The following PRKCB variants were observed in gnomAD, a reference collection of about 807,000 sequenced individuals.
PRKCB encodes the protein protein kinase C beta type.
In PRKCB, 13 loss-of-function variants were observed where a neutral mutation model predicts 81.5. That is an observed-to-expected ratio of 0.16 (90% confidence interval 0.10 to 0.25). The LOEUF is 0.25. Among genes scored for constraint, PRKCB ranks in the 10% least tolerant of loss-of-function variants. PRKCB has a pLI of 1.00. For missense variants in PRKCB, 509 were observed against 875.7 expected (o/e 0.58, Z 5.29); for synonymous variants, 335 against 321.4 (o/e 1.04, Z -0.45).
At chr16:23,892,346 T>C (rs1963308474) in intron 2 of PRKCB, among the ~76,000 whole-genome samples, 1 of 152,172 alleles carries the variant, frequency 6.6e-6, no homozygotes, top group Non-Finnish European at 1.5e-5. Context: ...AAAATCTCCA[T>C]TGCTTCAGGA....
intron 5 of PRKCB, among the ~76,000 whole-genome samples, chr16:24,073,055 T>A (rs1287916712): frequency 1.3e-5 from 2 of 152,182 alleles, no homozygotes; most frequent in South Asian, 4.1e-4. Flanking sequence ...CCACCAGATG[T>A]CCTCTGCCTC....
chr16:23,998,164 G>C (rs1162810815), intron 3 of PRKCB, among the ~76,000 whole-genome samples: 1 of 152,162 alleles, frequency 6.6e-6, no homozygotes, highest in African/African-American at 2.4e-5. Flanking sequence ...CCGCCTTTGG[G>C]TGTTGGTGCT....
chr16:24,207,020 T>C (rs1294151005), intron 16 of PRKCB, among the ~76,000 whole-genome samples: 1 of 152,230 alleles, frequency 6.6e-6, no homozygotes, highest in Non-Finnish European at 1.5e-5. Flanking sequence ...AGTCTAAACC[T>C]CCTGGGCTCA....
chr16:24,161,298 T>G (rs1362018873), intron 10 of PRKCB, among the ~76,000 whole-genome samples: 1 of 152,208 alleles, frequency 6.6e-6, no homozygotes, highest in Non-Finnish European at 1.5e-5. Context: ...TTCAAACATA[T>G]GCACAGCACG....
chr16:24,179,362 C>G (rs1265260550), intron 12 of PRKCB, among the ~76,000 whole-genome samples: 2 of 152,176 alleles, frequency 1.3e-5, no homozygotes, highest in Admixed American at 1.3e-4. Flanking sequence ...TCACAAAACA[C>G]TAGAATAGAC....
At chr16:23,950,677 C>T (rs1226962384) in intron 2 of PRKCB, among the ~76,000 whole-genome samples, 4 of 152,194 alleles carry the variant, frequency 2.6e-5, no homozygotes, top group African/African-American at 7.2e-5. Flanking sequence ...GGCCTCCTGG[C>T]ATCAGTGGGC....
In PRKCB at chr16:23,886,406, G is replaced by GTTTTTTTTT. The variant is rs398029038; in HGVS notation, c.205+49018_205+49026dup. On this transcript the variant is annotated intron_variant, in intron 2 of 16. Transcript: ENST00000643927. ...AGGGTTGGACTATGGTGTGTTAGGTGTTTTTTTTTTTTTTTTTTTTTTTTT... is the reference window on the plus strand; with the variant it reads ...AGGGTTGGACTATGGTGTGTTAGGTGTTTTTTTTTTTTTTTTTTTTTTTTTTTTTTTTTT... 2.7e-3 allele frequency among the ~76,000 whole-genome samples: 189 copies of GTTTTTTTTT among 70,218 alleles called. 9 individuals are homozygous for GTTTTTTTTT. The highest frequency in any genetic ancestry group is 4.2e-3 in the South Asian group (7 of 1,686). The allele number at this position is 70,218 out of a possible 152,430, so 46.1% of individuals were successfully genotyped here. A position where few individuals can be genotyped will look rare whatever the true frequency, so the allele number is the denominator to read the frequency against.
Position 24,035,397 on chromosome 16 carries a change from T to A in PRKCB, c.401-22T>A, listed in dbSNP as rs374660808. Reference sequence around the variant, plus strand: ...CCAGCCTGGGCCAGCCTAAGCCACATCCCCTCTCTCTGCCCTCACAGCCTG... The same window carrying A: ...CCAGCCTGGGCCAGCCTAAGCCACAACCCCTCTCTCTGCCCTCACAGCCTG... On this transcript the variant is annotated intron_variant, in intron 4 of 16. Transcript: ENST00000643927. The A allele has an allele frequency of 2.5e-6, 4 of 1,611,180 alleles. No individual in the cohort carries two copies. The African/African-American group carries it at 5.4e-5, about 22-fold the overall frequency.
chr16:24,169,048 C>T (rs979354986), intron 10 of PRKCB, among the ~76,000 whole-genome samples: 1 of 152,002 alleles, frequency 6.6e-6, no homozygotes, highest in Non-Finnish European at 1.5e-5. Flanking sequence ...ATTCCAGCCC[C>T]TCAGTCAGTC....
At chr16:23,909,377 C>T (rs1461503543) in intron 2 of PRKCB, among the ~76,000 whole-genome samples, 1 of 152,124 alleles carries the variant, frequency 6.6e-6, no homozygotes, top group South Asian at 2.1e-4. Flanking sequence ...AGGTTCTTGG[C>T]GAGACCCTCC....
chr16:24,073,332 A>G (rs750009945), intron 5 of PRKCB, among the ~76,000 whole-genome samples: 5 of 152,034 alleles, frequency 3.3e-5, no homozygotes, highest in Non-Finnish European at 5.9e-5. Context: ...CATTTTTGCC[A>G]TTTTTATTTA....
chr16:24,200,090 A>T (rs1301472156), intron 16 of PRKCB, among the ~76,000 whole-genome samples: 1 of 152,180 alleles, frequency 6.6e-6, no homozygotes, highest in Admixed American at 6.5e-5. Flanking sequence ...AAAAGATGCA[A>T]ATCTTATTTG....
At chr16:24,051,569 A>G (rs1965843029) in intron 5 of PRKCB, among the ~76,000 whole-genome samples, 1 of 152,130 alleles carries the variant, frequency 6.6e-6, no homozygotes, top group African/African-American at 2.4e-5. Flanking sequence ...CGAGACACCA[A>G]AGCATCAGAA....
intron 2 of PRKCB, among the ~76,000 whole-genome samples, chr16:23,939,005 A>G (rs1964102638): frequency 6.6e-6 from 1 of 152,254 alleles, no homozygotes; most frequent in Non-Finnish European, 1.5e-5. Context: ...TAAACAAGCC[A>G]TCCTACAACA....
intron 3 of PRKCB, among the ~76,000 whole-genome samples, chr16:23,999,435 G>A (rs1377655747): frequency 6.6e-6 from 1 of 152,188 alleles, no homozygotes; most frequent in East Asian, 1.9e-4. Context: ...ATCACATTGA[G>A]GCAATTTTAT....
chr16:23,900,128 G>A (rs1263071757), intron 2 of PRKCB, among the ~76,000 whole-genome samples: 1 of 152,148 alleles, frequency 6.6e-6, no homozygotes, highest in Admixed American at 6.5e-5. Flanking sequence ...AATCTAGTGG[G>A]TAGAGGCCAG....
chr16:24,020,992 CTTT>C (rs1469721987), intron 3 of PRKCB, among the ~76,000 whole-genome samples: 3 of 127,806 alleles, frequency 2.3e-5, no homozygotes, highest in Admixed American at 1.5e-4. Context: ...TTCTTTCTTT[CTTT>C]CTTTCTTTCT....
At chr16:23,879,715 A>G (rs1402322095) in intron 2 of PRKCB, among the ~76,000 whole-genome samples, 3 of 151,908 alleles carry the variant, frequency 2.0e-5, no homozygotes, top group African/African-American at 4.8e-5. Context: ...GCTGGTCTCG[A>G]GCTCCTGACC....
Position 24,123,690 on chromosome 16 carries a change from C to T in PRKCB, c.919-145C>T, listed in dbSNP as rs368779755. 788 of 754,534 alleles carry T rather than the reference C, an allele frequency of 1.0e-3. 14 individuals are homozygous for T. The South Asian group carries it at 0.013, about 13-fold the overall frequency. The allele number at this position is 754,534 out of a possible 1,614,324, so 46.7% of individuals were successfully genotyped here. A position where few individuals can be genotyped will look rare whatever the true frequency, so the allele number is the denominator to read the frequency against. On this transcript the variant is annotated intron_variant, in intron 8 of 16. Coordinates refer to ENST00000643927, the MANE Select transcript of PRKCB (RefSeq NM_002738.7). ...CAAAGGATGTCCGACAGGTTTCAGG[C>T]TTGTGGAGTGATGCATGGCTATGCT... is the stretch of plus-strand genomic sequence containing the variant.
Sources: allele counts gnomAD v4.1 joint callset (sites outside exome capture counted in the v4.1 genomes callset), GRCh38; gene constraint gnomAD v4.1.1; transcripts MANE v1.5; gene names NCBI Gene and HGNC (gene_info 2026-07-23, HGNC 2026-07-21).